Variants in SLIT3 observed in about 807,000 individuals in gnomAD.
SLIT3 encodes slit homolog 3 protein.
SLIT3 carries 68 observed loss-of-function variants against 184.0 expected under a neutral mutation model. The observed-to-expected ratio is 0.37, with a 90% CI of 0.30 to 0.45. The LOEUF is 0.45. Among genes scored for constraint, SLIT3 ranks in the 20% least tolerant of loss-of-function variants. The probability of loss-of-function intolerance (pLI) is 1.00; values close to 1 mark genes in which losing one functional copy is unlikely to be tolerated. For missense variants in SLIT3, 1,707 were observed against 2,026.0 expected, an observed-to-expected ratio of 0.84 and a Z score of 3.02; for synonymous variants, 831 against 828.6, an observed-to-expected ratio of 1.00 and a Z score of -0.05.
intron 4 of SLIT3, among the ~76,000 whole-genome samples, chr5:169,098,147 C>T (rs1759859968): frequency 6.6e-6 from 1 of 152,070 alleles, no homozygotes; most frequent in African/African-American, 2.4e-5. Flanking sequence ...AAGCAGGCTT[C>T]TTCTCACACA....
chr5:168,991,592 C>T (rs1481784797), intron 4 of SLIT3, among the ~76,000 whole-genome samples: 1 of 152,230 alleles, frequency 6.6e-6, no homozygotes, highest in East Asian at 1.9e-4. Flanking sequence ...GGGGAAATGC[C>T]AGCCTGGGGA....
At chr5:168,722,055 G>A (rs1020485089) in intron 23 of SLIT3, among the ~76,000 whole-genome samples, 2 of 152,130 alleles carry the variant, frequency 1.3e-5, no homozygotes, top group African/African-American at 4.8e-5. Flanking sequence ...TTCCACAGTG[G>A]TAGTGCGCTG....
chr5:168,671,831 G>T (rs1761259682), intron 33 of SLIT3, among the ~76,000 whole-genome samples: 1 of 152,074 alleles, frequency 6.6e-6, no homozygotes, highest in Admixed American at 6.5e-5. Context: ...CCCCCAATAG[G>T]CAAGTGCACC....
intron 3 of SLIT3, among the ~76,000 whole-genome samples, chr5:169,207,491 T>A (rs1048286896): frequency 4.6e-5 from 7 of 151,994 alleles, no homozygotes; most frequent in African/African-American, 1.7e-4. Context: ...CAGAGGTAGT[T>A]ACCTAACACA....
chr5:169,179,028 T>C (rs1020159181), intron 4 of SLIT3, among the ~76,000 whole-genome samples: 2 of 152,156 alleles, frequency 1.3e-5, no homozygotes, highest in African/African-American at 4.8e-5. Context: ...GAACAAACAG[T>C]AGGTTGGTGG....
At chr5:169,170,416 G>A (rs1199916292) in intron 4 of SLIT3, among the ~76,000 whole-genome samples, 2 of 152,332 alleles carry the variant, frequency 1.3e-5, no homozygotes, top group African/African-American at 2.4e-5. Flanking sequence ...AGAGTCCTAA[G>A]AGCCAGCCTG....
At chr5:169,294,565 G>A (rs1013861477) in intron 1 of SLIT3, among the ~76,000 whole-genome samples, 1 of 152,220 alleles carries the variant, frequency 6.6e-6, no homozygotes, top group Admixed American at 6.5e-5. Context: ...TTTAGGATGG[G>A]CGTCTCAAAC....
intron 23 of SLIT3, among the ~76,000 whole-genome samples, chr5:168,718,361 T>G (rs1200552458): frequency 6.6e-6 from 1 of 152,096 alleles, no homozygotes; most frequent in Non-Finnish European, 1.5e-5. Flanking sequence ...TGGTGAATGA[T>G]AATCCCACTG....
chr5:168,712,041 T>C (rs945828330), intron 24 of SLIT3, among the ~76,000 whole-genome samples: 3 of 152,226 alleles, frequency 2.0e-5, no homozygotes, highest in Non-Finnish European at 4.4e-5. Context: ...GTTTACCCCA[T>C]AGTACATGTT....
chr5:169,258,221 T>A (rs559008945), intron 1 of SLIT3, among the ~76,000 whole-genome samples: 2 of 152,238 alleles, frequency 1.3e-5, no homozygotes, highest in African/African-American at 4.8e-5. Flanking sequence ...GTTTCACTTA[T>A]CACATCCTAC....
chr5:169,258,844 GA>G (rs1209246542), intron 1 of SLIT3, among the ~76,000 whole-genome samples: 3 of 152,146 alleles, frequency 2.0e-5, no homozygotes, highest in Admixed American at 2.0e-4. Flanking sequence ...GCACATCTGG[GA>G]AGAGCAAGGA....
chr5:168,710,758 C>T (rs1324366724), intron 25 of SLIT3, 137 bp downstream of exon 25: 13 of 699,162 alleles, frequency 1.9e-5, no homozygotes, highest in African/African-American at 3.7e-5. Context: ...ATCTGAGCCT[C>T]TTTGTGGGAC....
intron 4 of SLIT3, among the ~76,000 whole-genome samples, chr5:169,031,769 C>T (rs989613841): frequency 6.6e-6 from 1 of 152,244 alleles, no homozygotes. Flanking sequence ...TAAGAGGTAT[C>T]ATGATTGATT....
At chr5:169,115,802 G>C (rs745867676) in intron 4 of SLIT3, among the ~76,000 whole-genome samples, 1 of 152,170 alleles carries the variant, frequency 6.6e-6, no homozygotes, top group Non-Finnish European at 1.5e-5. Context: ...GAAGGAGCTC[G>C]CCTGTGGTTG....
chr5:169,278,221 C>G (rs535651114), intron 1 of SLIT3, among the ~76,000 whole-genome samples: 2 of 152,184 alleles, frequency 1.3e-5, no homozygotes, highest in South Asian at 4.1e-4. Context: ...AAATAGGGGG[C>G]TTTCCTCCAG....
At chr5:169,176,459 T>C (rs1015986731) in intron 4 of SLIT3, among the ~76,000 whole-genome samples, 9 of 152,136 alleles carry the variant, frequency 5.9e-5, no homozygotes, top group African/African-American at 1.7e-4. Context: ...GAAGATGCAA[T>C]GAATAGAGGC....
At chr5:169,002,062 A>C (rs1306095520) in intron 4 of SLIT3, among the ~76,000 whole-genome samples, 2 of 152,040 alleles carry the variant, frequency 1.3e-5, no homozygotes, top group African/African-American at 4.8e-5. Context: ...TCCTGTAATC[A>C]CAGCACTTTG....
intron 4 of SLIT3, among the ~76,000 whole-genome samples, chr5:169,103,685 G>A (rs1448930303): frequency 3.3e-5 from 5 of 152,232 alleles, no homozygotes; most frequent in African/African-American, 1.2e-4. Context: ...GGAACTGCTT[G>A]CAGCCTGCAA....
intron 4 of SLIT3, among the ~76,000 whole-genome samples, chr5:169,135,504 T>A (rs188336140): frequency 6.6e-6 from 1 of 152,022 alleles, no homozygotes; most frequent in Admixed American, 6.6e-5. Context: ...TTTCAAAACA[T>A]GAAATAGCAC....
Sources: allele counts gnomAD v4.1 joint callset (sites outside exome capture counted in the v4.1 genomes callset), GRCh38; gene constraint gnomAD v4.1.1; transcripts MANE v1.5; gene names NCBI Gene and HGNC (gene_info 2026-07-23, HGNC 2026-07-21).